The following SH3PXD2A variants were observed in gnomAD, a reference collection of about 807,000 sequenced individuals.
SH3PXD2A encodes SH3 and PX domains 2A, also known as SH3 and PX domain-containing protein 2A.
In SH3PXD2A, 32 loss-of-function variants were observed where a neutral mutation model predicts 115.2. The ratio of observed to expected loss-of-function variants is 0.28; its 90% CI spans 0.21 to 0.37. The LOEUF (loss-of-function observed/expected upper bound fraction) is 0.37, where lower values mean the gene tolerates loss of function less well. Ranked by LOEUF, SH3PXD2A falls within the 10% of genes least tolerant of loss-of-function variation. The probability of loss-of-function intolerance (pLI) is 1.00; values close to 1 mark genes in which losing one functional copy is unlikely to be tolerated. For missense variants in SH3PXD2A, 1,328 were observed against 1,498.7 expected, an observed-to-expected ratio of 0.89 and a Z score of 1.88; for synonymous variants, 610 against 629.1, an observed-to-expected ratio of 0.97 and a Z score of 0.45.
At chr10:103,850,712 T>C (rs991889523) in intron 1 of SH3PXD2A, among the ~76,000 whole-genome samples, 1 of 152,174 alleles carries the variant, frequency 6.6e-6, no homozygotes, top group South Asian at 2.1e-4. Flanking sequence ...GGCTGGGTGT[T>C]TTCCATGGGG....
intron 5 of SH3PXD2A, among the ~76,000 whole-genome samples, chr10:103,696,148 G>A (rs1028847827): frequency 6.6e-6 from 1 of 152,214 alleles, no homozygotes; most frequent in African/African-American, 2.4e-5. Flanking sequence ...GGCAGTGGGG[G>A]TCACCAGGCT....
Position 103,801,147 on chromosome 10 carries a change from C to G in SH3PXD2A, c.153+135G>C. 6 of 621,984 alleles carry G rather than the reference C, an allele frequency of 9.6e-6. No homozygotes were observed. In the South Asian group the frequency reaches 1.2e-4, roughly 12 times the overall value. 38.5% of individuals were successfully genotyped at this position (621,984 alleles called of 1,614,324 possible). ...AGCCCAGCTCCACCTTCCAGCTTCC[C>G]TCCTCTGTCCCTCTGCTCCCACCTG... On this transcript the variant is annotated intron_variant, in intron 2 of 14. Coordinates refer to ENST00000369774, the MANE Select transcript of SH3PXD2A (RefSeq NM_001394015.1).
chr10:103,667,833 C>T (rs945910155), intron 7 of SH3PXD2A, among the ~76,000 whole-genome samples: 2 of 152,254 alleles, frequency 1.3e-5, no homozygotes, highest in Non-Finnish European at 2.9e-5. Context: ...TTCCATCCCT[C>T]CTCCGACCAT....
At chr10:103,706,218 T>C (rs2037979135) in intron 5 of SH3PXD2A, among the ~76,000 whole-genome samples, 1 of 152,154 alleles carries the variant, frequency 6.6e-6, no homozygotes. Context: ...GAGCATCCCC[T>C]CTAGAGCACC....
intron 1 of SH3PXD2A, among the ~76,000 whole-genome samples, chr10:103,807,173 G>A (rs538082381): frequency 3.1e-4 from 47 of 152,194 alleles, no homozygotes; most frequent in Non-Finnish European, 4.8e-4. Flanking sequence ...TTCTGTGGAG[G>A]GATGTCCATG....
At chr10:103,762,014 C>CTTTTTTTTTTTTTTTTTT (rs79615908) in intron 3 of SH3PXD2A, among the ~76,000 whole-genome samples, 1 of 90,684 alleles carries the variant, frequency 1.1e-5, no homozygotes, top group Non-Finnish European at 2.3e-5. Flanking sequence ...ATCAACACGT[C>CTTTTTTTTTTTTTTTTTT]TTTTTTTTTT....
At chr10:103,790,379 C>CA (rs2039024026) in intron 2 of SH3PXD2A, among the ~76,000 whole-genome samples, 1 of 152,060 alleles carries the variant, frequency 6.6e-6, no homozygotes, top group Non-Finnish European at 1.5e-5. Flanking sequence ...TGGTCTCGAT[C>CA]TCCTGACCTC....
At chr10:103,742,963 T>A (rs1283079276) in intron 3 of SH3PXD2A, among the ~76,000 whole-genome samples, 1 of 151,694 alleles carries the variant, frequency 6.6e-6, no homozygotes, top group Non-Finnish European at 1.5e-5. Context: ...CCCTCAAGGG[T>A]GACACGCATG....
chr10:103,726,878 GATGT>G (rs1323589150), intron 4 of SH3PXD2A, among the ~76,000 whole-genome samples: 3 of 152,190 alleles, frequency 2.0e-5, no homozygotes, highest in African/African-American at 7.2e-5. Flanking sequence ...AAGAGAGCAT[GATGT>G]AACCCTCAGT....
At chr10:103,833,467 AT>A (rs1423798425) in intron 1 of SH3PXD2A, among the ~76,000 whole-genome samples, 3 of 151,276 alleles carry the variant, frequency 2.0e-5, no homozygotes, top group Non-Finnish European at 4.4e-5. Context: ...AGACATATAT[AT>A]ATATATTTAT....
chr10:103,686,745 ATTT>A (rs760028346), intron 6 of SH3PXD2A, among the ~76,000 whole-genome samples: 17 of 128,566 alleles, frequency 1.3e-4, no homozygotes, highest in African/African-American at 5.0e-4. Flanking sequence ...TTGCTGGGGA[ATTT>A]TTTTTTTTTT....
intron 2 of SH3PXD2A, among the ~76,000 whole-genome samples, chr10:103,778,226 G>A (rs1348399915): frequency 6.6e-6 from 1 of 152,136 alleles, no homozygotes; most frequent in African/African-American, 2.4e-5. Context: ...CCAGCTACTC[G>A]GGAGGCTGAG....
chr10:103,759,196 A>G (rs1216698488), intron 3 of SH3PXD2A, among the ~76,000 whole-genome samples: 2 of 152,224 alleles, frequency 1.3e-5, no homozygotes, highest in Non-Finnish European at 2.9e-5. Context: ...CAATTCACCC[A>G]GCACCCTCTG....
chr10:103,636,226 G>C (rs973339519), intron 8 of SH3PXD2A, among the ~76,000 whole-genome samples: 2 of 152,096 alleles, frequency 1.3e-5, no homozygotes, highest in African/African-American at 4.8e-5. Context: ...GGCCAACATA[G>C]TGAAACCCCG....
chr10:103,648,983 C>G (rs147129216), intron 8 of SH3PXD2A, among the ~76,000 whole-genome samples: 2 of 152,326 alleles, frequency 1.3e-5, no homozygotes, highest in East Asian at 3.9e-4. Context: ...CAGGAGTCCA[C>G]GATCCCTGTG....
chr10:103,627,070 T>C lies in SH3PXD2A; in HGVS notation c.718+19A>G, dbSNP rs369151233. 1 of 1,436,084 alleles carries C rather than the reference T, an allele frequency of 7.0e-7. No individual in the cohort carries two copies. The highest frequency in any genetic ancestry group is 9.8e-7 in the Non-Finnish European group (1 of 1,017,704). The allele number at this position is 1,436,084 out of a possible 1,614,324, so 89.0% of individuals were successfully genotyped here. A position where few individuals can be genotyped will look rare whatever the true frequency, so the allele number is the denominator to read the frequency against. On this transcript the variant is annotated intron_variant, in intron 9 of 14. Transcript: ENST00000369774. The surrounding 1 kb of genome is among the most constrained non-coding windows in gnomAD (Gnocchi z 4.4). The stretch of plus-strand genomic sequence containing the variant: ...AGAGGCCGCGTTGCTCCCTGCCCCT[T>C]GGACCTGCAAGCCCTCACCTTCTCC...
At chr10:103,811,094 C>G (rs2039266171) in intron 1 of SH3PXD2A, among the ~76,000 whole-genome samples, 1 of 152,280 alleles carries the variant, frequency 6.6e-6, no homozygotes, top group African/African-American at 2.4e-5. Context: ...CAGGAGCGTC[C>G]GCTGAAAGGA....
chr10:103,645,634 GC>G (rs933328083), intron 8 of SH3PXD2A, among the ~76,000 whole-genome samples: 1 of 152,136 alleles, frequency 6.6e-6, no homozygotes, highest in Non-Finnish European at 1.5e-5. Context: ...CCAGGAACGG[GC>G]CGACATTCCT....
chr10:103,604,690 T>C (rs574249879), intron 14 of SH3PXD2A, among the ~76,000 whole-genome samples: 1 of 152,332 alleles, frequency 6.6e-6, no homozygotes, highest in African/African-American at 2.4e-5. Context: ...ACCAGTCCTC[T>C]GCATCCCCCA....
Sources: allele counts gnomAD v4.1 joint callset (sites outside exome capture counted in the v4.1 genomes callset), GRCh38; gene constraint gnomAD v4.1.1; non-coding constraint Gnocchi (gnomAD v3.1); transcripts MANE v1.5; gene names NCBI Gene and HGNC (gene_info 2026-07-23, HGNC 2026-07-21).